The following VPS35L variants were observed in gnomAD, a reference collection of about 807,000 sequenced individuals.
The protein encoded by VPS35L is VPS35 endosomal protein-sorting factor-like.
In VPS35L, 83 loss-of-function variants were observed where a neutral mutation model predicts 133.0. That is an observed-to-expected ratio of 0.62 (90% CI 0.52 to 0.75). The LOEUF (loss-of-function observed/expected upper bound fraction) is 0.75. Among genes scored for constraint, VPS35L ranks in the 30% least tolerant of loss-of-function variants. The pLI, the probability that VPS35L is intolerant of heterozygous loss-of-function variation, is 0.00. For synonymous variants in VPS35L, 423 were observed against 449.9 expected, an observed-to-expected ratio of 0.94 and a Z score of 0.76; for missense variants, 1,083 against 1,206.8, an observed-to-expected ratio of 0.90 and a Z score of 1.52.
rs185329363 is a variant in VPS35L, at chr16:19,647,336, A to G, written c.1930-448A>G. ...TGGACAAAAATGATTGATGTACAGT[A>G]AAGTTTTTCTTACTAACCAGCTATT... On this transcript the variant is annotated intron_variant, in intron 23 of 30. Coordinates refer to ENST00000417362, the MANE Select transcript of VPS35L (RefSeq NM_020314.7). Among the ~76,000 whole-genome samples the G allele has an allele frequency of 1.4e-4, 22 of 152,354 alleles. No homozygotes were observed. In the East Asian group the frequency reaches 4.0e-3, roughly 28 times the overall value.
In VPS35L at chr16:19,629,832, T is replaced by C; in HGVS notation, c.1554+12T>C. On this transcript the variant is annotated intron_variant, in intron 18 of 30. Coordinates refer to ENST00000417362, the MANE Select transcript of VPS35L (RefSeq NM_020314.7). ...GCAAGCATTTCACGGTATGTGTGAC[T>C]GTGGTATTGTTTTTGAAAGAATTAG... The C allele has an allele frequency of 6.2e-7, 1 of 1,612,032 alleles. No individual in the cohort carries two copies. The highest frequency in any genetic ancestry group is 8.5e-7 in the Non-Finnish European group (1 of 1,178,088).
chr16:19,642,336 C>A, intron 21 of VPS35L, 60 bp from the exon 22 acceptor site: 1 of 1,429,714 alleles, frequency 7.0e-7, no homozygotes, highest in Non-Finnish European at 9.8e-7. Flanking sequence ...AAAACTGAAT[C>A]CACTCTTGCA....
chr16:19,634,046 A>G (rs190397039), intron 19 of VPS35L, among the ~76,000 whole-genome samples: 36 of 152,220 alleles, frequency 2.4e-4, no homozygotes, highest in Non-Finnish European at 5.1e-4. Flanking sequence ...ATTTTACTAC[A>G]TATGCTTTAT....
chr16:19,692,918 T>G (rs1222178550), intron 29 of VPS35L, among the ~76,000 whole-genome samples: 1 of 152,222 alleles, frequency 6.6e-6, no homozygotes, highest in Non-Finnish European at 1.5e-5. Context: ...GAGTAGGATT[T>G]TTTCTGGCCT....
chr16:19,581,609 T>TG lies in VPS35L; in HGVS notation c.598dup (p.Ala200GlyfsTer40). ...GCTCAACCAATCGCTGAAGGATGCC[T>TG]GGGCCTCAGACCAGAAAGTGAAGGC... On this transcript the variant is annotated frameshift_variant, in exon 7 of 31. Coordinates refer to ENST00000417362, the MANE Select transcript of VPS35L (RefSeq NM_020314.7). LOFTEE classifies it high-confidence loss of function. 1 of 1,614,154 alleles carries TG rather than the reference T, an allele frequency of 6.2e-7. No individual in the cohort carries two copies. The highest frequency in any genetic ancestry group is 8.5e-7 in the Non-Finnish European group (1 of 1,180,012).
chr16:19,606,964 T>A (rs1972555287), intron 9 of VPS35L, among the ~76,000 whole-genome samples: 1 of 152,202 alleles, frequency 6.6e-6, no homozygotes, highest in South Asian at 2.1e-4. Flanking sequence ...TCTCCCTTTT[T>A]GAATTAATCC....
At chr16:19,581,942 A>T (rs908923663) in intron 7 of VPS35L, 14 of 345,748 alleles carry the variant, frequency 4.0e-5, no homozygotes, top group African/African-American at 2.5e-4. Context: ...TGTGCAGTAC[A>T]TTAACCATGG....
chr16:19,593,875 C>T (rs1972118381), intron 8 of VPS35L, among the ~76,000 whole-genome samples: 1 of 151,290 alleles, frequency 6.6e-6, no homozygotes, highest in Non-Finnish European at 1.5e-5. Context: ...CAAGATCACG[C>T]CACTGCACTC....
At chr16:19,626,086 AT>A in intron 14 of VPS35L, 90 bp from the exon 15 acceptor site, 1 of 806,998 alleles carries the variant, frequency 1.2e-6, no homozygotes, top group Non-Finnish European at 2.0e-6. Flanking sequence ...GGCTACATTC[AT>A]TTTAGAGTTC....
chr16:19,573,468 C>T, intron 4 of VPS35L: 1 of 416,202 alleles, frequency 2.4e-6, no homozygotes, highest in Non-Finnish European at 4.3e-6. Flanking sequence ...GGATGTGGCA[C>T]AGGCCAGAGA....
chr16:19,666,872 T>TTTTCTTTCTTTCTTTCTTTCTTTCTTTC (rs551438290), intron 26 of VPS35L, among the ~76,000 whole-genome samples: 12 of 106,252 alleles, frequency 1.1e-4, no homozygotes, highest in South Asian at 3.6e-4. Flanking sequence ...AGGGCCATGT[T>TTTTCTTTCTTTCTTTCTTTCTTTCTTTC]TTTCTTTCTT....
intron 14 of VPS35L, among the ~76,000 whole-genome samples, chr16:19,620,151 A>G (rs1973031377): frequency 6.6e-6 from 1 of 152,230 alleles, no homozygotes; most frequent in African/African-American, 2.4e-5. Context: ...AATGTTTAAA[A>G]TAGAAATGCA....
intron 26 of VPS35L, among the ~76,000 whole-genome samples, chr16:19,659,786 A>C (rs531977528): frequency 6.6e-6 from 1 of 152,346 alleles, no homozygotes; most frequent in Admixed American, 6.5e-5. Context: ...ATTGCAGGCA[A>C]AGTTTTCAGG....
intron 12 of VPS35L, among the ~76,000 whole-genome samples, chr16:19,615,566 C>A (rs1972859227): frequency 6.6e-6 from 1 of 152,058 alleles, no homozygotes; most frequent in African/African-American, 2.4e-5. Context: ...AGGAGAATTG[C>A]TTGAACCTGA....
Position 19,700,643 on chromosome 16 carries a change from A to G in VPS35L, c.*167A>G. On this transcript the variant is annotated 3_prime_UTR_variant, in exon 31 of 31. Transcript: ENST00000417362. ...CTCTATCCAGGTTATTCTGACAATG[A>G]AGAAATGGGAGTTGTCAGAGCATTA... 1.7e-6 allele frequency: 1 copy of G among 600,418 alleles called. No individual in the cohort carries two copies. 37.2% of individuals were successfully genotyped at this position (600,418 alleles called of 1,614,324 possible).
At chr16:19,696,446 G>A (rs1285730501) in intron 29 of VPS35L, among the ~76,000 whole-genome samples, 2 of 152,196 alleles carry the variant, frequency 1.3e-5, no homozygotes, top group Non-Finnish European at 2.9e-5. Flanking sequence ...ACGTGAAGGT[G>A]CCAGCCTCAT....
chr16:19,646,442 G>A lies in VPS35L; in HGVS notation c.1930-1342G>A, dbSNP rs372232941. ...CCAGCACTTTGGGAGGCTGAGGCAG[G>A]TGGATCACCTGCGGTCAGGTCGAGA... On this transcript the variant is annotated intron_variant, in intron 23 of 30. Transcript: ENST00000417362. 5.9e-5 allele frequency among the ~76,000 whole-genome samples: 9 copies of A among 152,300 alleles called. No individual in the cohort carries two copies. In the East Asian group the frequency reaches 1.7e-3, roughly 29 times the overall value.
intron 8 of VPS35L, among the ~76,000 whole-genome samples, chr16:19,599,353 A>C (rs1367106112): frequency 6.6e-6 from 1 of 152,150 alleles, no homozygotes; most frequent in Non-Finnish European, 1.5e-5. Flanking sequence ...TTGGAGAAGC[A>C]CTGGCTCAGA....
At chr16:19,645,548 C>T (rs561844006) in intron 23 of VPS35L, among the ~76,000 whole-genome samples, 4 of 152,340 alleles carry the variant, frequency 2.6e-5, no homozygotes, top group Admixed American at 2.6e-4. Flanking sequence ...CTCGGCCTCC[C>T]AAAGTGCTGG....
Sources: gnomAD v4.1 joint callset for allele counts (sites outside exome capture counted in the v4.1 genomes callset) on GRCh38, gnomAD v4.1.1 for gene constraint, MANE v1.5 for transcripts, NCBI Gene and HGNC (gene_info 2026-07-23, HGNC 2026-07-21) for gene names.